EPM2A: variants seen among roughly 807,000 people sequenced by gnomAD.
EPM2A encodes the protein EPM2A glucan phosphatase, laforin.
In EPM2A, 21 loss-of-function variants were observed where a neutral mutation model predicts 26.5. The observed-to-expected ratio is 0.79, with a 90% CI of 0.56 to 1.14. The LOEUF (loss-of-function observed/expected upper bound fraction) is 1.14, where lower values mean the gene tolerates loss of function less well. Among genes scored for constraint, EPM2A ranks in the 50% most tolerant of loss-of-function variants. EPM2A has a pLI of 0.00. For synonymous variants in EPM2A, 217 were observed against 177.6 expected, an observed-to-expected ratio of 1.22 and a Z score of -1.76; for missense variants, 458 against 440.8, an observed-to-expected ratio of 1.04 and a Z score of -0.35.
chr6:145,554,459 G>GATACATAGATAGATAC (rs1554250303), intron 2 of EPM2A, among the ~76,000 whole-genome samples: 7 of 151,610 alleles, frequency 4.6e-5, no homozygotes, highest in East Asian at 3.9e-4. Context: ...TAGATAGATA[G>GATACATAGATAGATAC]ATAGATAGAT....
intron 1 of EPM2A, among the ~76,000 whole-genome samples, chr6:145,706,718 T>C (rs1195434497): frequency 6.6e-6 from 1 of 152,224 alleles, no homozygotes; most frequent in Non-Finnish European, 1.5e-5. Flanking sequence ...GTGTTGTGTA[T>C]TAATAAGATG....
intron 2 of EPM2A, among the ~76,000 whole-genome samples, chr6:145,577,323 T>A (rs1781045103): frequency 7.1e-6 from 1 of 140,596 alleles, no homozygotes; most frequent in Non-Finnish European, 1.5e-5. Context: ...ACACATAGAC[T>A]GAAAATGAAG....
chr6:145,693,110 T>C (rs1781376801), intron 1 of EPM2A, among the ~76,000 whole-genome samples: 1 of 151,954 alleles, frequency 6.6e-6, no homozygotes, highest in African/African-American at 2.4e-5. Context: ...TTACAATTCT[T>C]GTTGCAGAAT....
intron 2 of EPM2A, among the ~76,000 whole-genome samples, chr6:145,566,651 A>T (rs1246868497): frequency 6.6e-6 from 1 of 152,226 alleles, no homozygotes; most frequent in Non-Finnish European, 1.5e-5. Context: ...AAAAGACATT[A>T]CCAACACTCT....
chr6:145,712,718 G>T (rs375619527), intron 1 of EPM2A, among the ~76,000 whole-genome samples: 6 of 152,134 alleles, frequency 3.9e-5, no homozygotes, highest in African/African-American at 1.4e-4. Context: ...GCCTGGAAAA[G>T]CTTCACCAGA....
At chr6:145,489,774 T>C (rs1393701040) in intron 4 of EPM2A, 1 of 1,441,290 alleles carries the variant, frequency 6.9e-7, no homozygotes, top group Non-Finnish European at 9.8e-7. Context: ...AGGTTCTCTC[T>C]TCTCTCGGTT....
At chr6:145,510,376 A>G (rs978620178) in intron 2 of EPM2A, among the ~76,000 whole-genome samples, 2 of 152,172 alleles carry the variant, frequency 1.3e-5, no homozygotes, top group African/African-American at 4.8e-5. Flanking sequence ...AAAACATCAC[A>G]ATGATACCAG....
intron 4 of EPM2A, among the ~76,000 whole-genome samples, chr6:145,450,345 C>G (rs1224961646): frequency 7.9e-6 from 1 of 126,852 alleles, no homozygotes; most frequent in Admixed American, 8.7e-5. Context: ...AGTGAGACTC[C>G]GTCTCAAAAA....
At chr6:145,477,552 T>C (rs912253269) in intron 4 of EPM2A, among the ~76,000 whole-genome samples, 5 of 151,892 alleles carry the variant, frequency 3.3e-5, no homozygotes, top group Admixed American at 3.3e-4. Flanking sequence ...GCAATCCAAA[T>C]TCAGTAATAC....
At chr6:145,528,079 A>G (rs890567123) in intron 2 of EPM2A, among the ~76,000 whole-genome samples, 6 of 152,148 alleles carry the variant, frequency 3.9e-5, no homozygotes, top group African/African-American at 1.2e-4. Context: ...ATTTAATTCT[A>G]TGAAGGCTGC....
intron 2 of EPM2A, among the ~76,000 whole-genome samples, chr6:145,571,810 G>A (rs2114825630): frequency 6.6e-6 from 1 of 152,204 alleles, no homozygotes; most frequent in African/African-American, 2.4e-5. Flanking sequence ...CAATGACAGG[G>A]GTGGCTGGAG....
At chr6:145,683,359 A>G (rs1443972040) in intron 2 of EPM2A, among the ~76,000 whole-genome samples, 2 of 148,706 alleles carry the variant, frequency 1.3e-5, no homozygotes, top group Non-Finnish European at 3.0e-5. Context: ...ATACACATAT[A>G]TTATTTATTA....
chr6:145,660,708 A>T (rs919782233), intron 2 of EPM2A, among the ~76,000 whole-genome samples: 2 of 152,186 alleles, frequency 1.3e-5, no homozygotes, highest in Non-Finnish European at 2.9e-5. Context: ...AGGCTGAAGC[A>T]GGAGAATCGC....
At chr6:145,624,016 T>TA (rs1775691693), downstream of EPM2A, among the ~76,000 whole-genome samples, 1 of 152,172 alleles carries the variant, frequency 6.6e-6, no homozygotes, top group South Asian at 2.1e-4. Flanking sequence ...GAGTTGTTGT[T>TA]ATGGTTGTTC....
At chr6:145,426,130 C>T (rs757139374) in intron 4 of EPM2A, among the ~76,000 whole-genome samples, 14 of 152,192 alleles carry the variant, frequency 9.2e-5, no homozygotes, top group Admixed American at 1.3e-4. Flanking sequence ...ATATTCTAGG[C>T]ATCAAGCAGC....
At chr6:145,440,289 T>G (rs1779045321) in intron 4 of EPM2A, among the ~76,000 whole-genome samples, 3 of 152,182 alleles carry the variant, frequency 2.0e-5, no homozygotes, top group Admixed American at 2.0e-4. Flanking sequence ...ACTTGTTCAC[T>G]ACCATGAGAA....
chr6:145,599,466 G>C (rs569148211), intron 2 of EPM2A, among the ~76,000 whole-genome samples: 224 of 151,670 alleles, frequency 1.5e-3, no homozygotes, highest in African/African-American at 4.9e-3. Context: ...TATCTTGCAA[G>C]CCCATCATTG....
intron 4 of EPM2A, among the ~76,000 whole-genome samples, chr6:145,446,476 T>C (rs549748361): frequency 3.7e-4 from 57 of 152,224 alleles, no homozygotes; most frequent in Non-Finnish European, 5.0e-4. Context: ...GCAGATATCA[T>C]ACATGAAAAG....
chr6:145,403,122 T>C (rs1185412648), intron 4 of EPM2A, among the ~76,000 whole-genome samples: 3 of 152,116 alleles, frequency 2.0e-5, no homozygotes, highest in African/African-American at 7.2e-5. Context: ...AGTAGGTATA[T>C]ATATTCACGG....
Sources: allele counts gnomAD v4.1 joint callset (sites outside exome capture counted in the v4.1 genomes callset), GRCh38; gene constraint gnomAD v4.1.1; transcripts MANE v1.5; gene names NCBI Gene and HGNC (gene_info 2026-07-23, HGNC 2026-07-21).